Variants in MARCHF1 observed in about 807,000 individuals in gnomAD.
MARCHF1 encodes the protein membrane associated ring-CH-type finger 1, also known as E3 ubiquitin-protein ligase MARCHF1.
In MARCHF1, 40 loss-of-function variants were observed where a neutral mutation model predicts 54.2. The observed-to-expected ratio is 0.74, with a 90% CI of 0.57 to 0.96. The LOEUF (loss-of-function observed/expected upper bound fraction) is 0.96. MARCHF1 is among the 40% of genes least tolerant of loss of function. The probability of loss-of-function intolerance (pLI) is 0.00; values close to 1 mark genes in which losing one functional copy is unlikely to be tolerated. For synonymous variants in MARCHF1, 236 were observed against 236.3 expected (o/e 1.00, Z 0.01); for missense variants, 586 against 656.5 (o/e 0.89, Z 1.17).
chr4:164,065,028 G>T (rs577520357), intron 2 of MARCHF1, among the ~76,000 whole-genome samples: 1 of 152,118 alleles, frequency 6.6e-6, no homozygotes, highest in South Asian at 2.1e-4. Context: ...TGAGCTTTTT[G>T]ATGTGTTGCT....
At chr4:163,555,975 T>C in intron 8 of MARCHF1, 1 of 456,232 alleles carries the variant, frequency 2.2e-6, no homozygotes, top group Non-Finnish European at 4.4e-6. Context: ...GCACAGACAC[T>C]GGGAAGATTA....
chr4:163,700,678 A>G lies in MARCHF1; in HGVS notation c.162+135T>C, dbSNP rs1332626819. The stretch of plus-strand genomic sequence containing the variant: ...GTCTTCTTATTACAGTAAAAGCTTA[A>G]AAGAGTTAAAACCATGAACAAATCA... On this transcript the variant is annotated intron_variant, in intron 5 of 9. Transcript: ENST00000514618. 9 of 655,174 alleles carry G rather than the reference A, an allele frequency of 1.4e-5. No individual in the cohort carries two copies. In the East Asian group the frequency reaches 2.5e-4, roughly 18 times the overall value. The allele number at this position is 655,174 out of a possible 1,614,324, so 40.6% of individuals were successfully genotyped here.
chr4:164,234,961 T>C (rs1279843200), intron 1 of MARCHF1: 1 of 152,106 alleles, frequency 6.6e-6, no homozygotes, highest in Non-Finnish European at 1.5e-5. Flanking sequence ...ATAAGTTTTA[T>C]CACAGCTTCA....
At chr4:163,857,269 T>C (rs1579344394) in intron 3 of MARCHF1, among the ~76,000 whole-genome samples, 1 of 152,100 alleles carries the variant, frequency 6.6e-6, no homozygotes, top group East Asian at 1.9e-4. Flanking sequence ...GATGCTACAA[T>C]ATAGATTCTA....
intron 1 of MARCHF1, among the ~76,000 whole-genome samples, chr4:164,198,086 C>A (rs1241277762): frequency 6.6e-6 from 1 of 152,146 alleles, no homozygotes; most frequent in African/African-American, 2.4e-5. Flanking sequence ...ATCTTTGAAT[C>A]TATAGACTAG....
At chr4:163,801,857 T>C (rs1367061259) in intron 4 of MARCHF1, among the ~76,000 whole-genome samples, 1 of 152,152 alleles carries the variant, frequency 6.6e-6, no homozygotes, top group Non-Finnish European at 1.5e-5. Flanking sequence ...TAAGTTCTTT[T>C]TCAAATTTCT....
chr4:164,087,064 C>T (rs1025666490), intron 2 of MARCHF1, among the ~76,000 whole-genome samples: 3 of 152,070 alleles, frequency 2.0e-5, no homozygotes, highest in African/African-American at 7.2e-5. Context: ...TCCTAGGGAA[C>T]AGACCAGTGC....
At chr4:163,683,859 T>C (rs1380999680) in intron 5 of MARCHF1, among the ~76,000 whole-genome samples, 1 of 152,012 alleles carries the variant, frequency 6.6e-6, no homozygotes, top group Non-Finnish European at 1.5e-5. Context: ...CTAAAAAGGA[T>C]TGAAGGCTCA....
intron 1 of MARCHF1, among the ~76,000 whole-genome samples, chr4:164,226,640 CATAA>C (rs1238236738): frequency 1.3e-5 from 2 of 151,750 alleles, no homozygotes; most frequent in African/African-American, 4.8e-5. Context: ...TATGTTTATG[CATAA>C]ATATTTGTGT....
chr4:163,854,670 T>C (rs78223389), intron 3 of MARCHF1, among the ~76,000 whole-genome samples: 2,128 of 152,298 alleles, frequency 0.014, 44 homozygotes, highest in East Asian at 0.075. Flanking sequence ...TATAAAGTTC[T>C]GCCATCTGAA....
chr4:164,150,077 C>T (rs934192793), intron 1 of MARCHF1, among the ~76,000 whole-genome samples: 1 of 152,060 alleles, frequency 6.6e-6, no homozygotes, highest in African/African-American at 2.4e-5. Context: ...CCAAAAACAG[C>T]ATAAAATAAG....
At position 164,216,044 on chromosome 4, in the gene MARCHF1, C is replaced by T. The variant is rs551252714; in HGVS notation, c.-322-104382G>A. 2.0e-5 allele frequency among the ~76,000 whole-genome samples: 3 copies of T among 152,250 alleles called. No individual in the cohort carries two copies. The South Asian group carries it at 6.2e-4, about 32-fold the overall frequency. On this transcript the variant is annotated intron_variant, in intron 1 of 9. Coordinates refer to ENST00000514618, the MANE Select transcript of MARCHF1 (RefSeq NM_001394959.1). ...ATATAATTCTTGAGGCCACCTGGCC[C>T]TCAGTTTTGCTTAGAGTCAGAGACA...
intron 1 of MARCHF1, among the ~76,000 whole-genome samples, chr4:164,359,938 A>G (rs76893538): frequency 0.086 from 13,053 of 152,236 alleles, 1,139 homozygotes; most frequent in East Asian, 0.29. Flanking sequence ...TGAGAACCAC[A>G]GATAGAGACT....
chr4:163,639,221 G>T (rs1017588554), intron 5 of MARCHF1, among the ~76,000 whole-genome samples: 3 of 152,174 alleles, frequency 2.0e-5, no homozygotes, highest in African/African-American at 4.8e-5. Flanking sequence ...GAGCAGGAAA[G>T]ATGAGATTTA....
intron 1 of MARCHF1, among the ~76,000 whole-genome samples, chr4:164,260,543 A>G (rs1296697688): frequency 6.6e-6 from 1 of 152,052 alleles, no homozygotes; most frequent in Non-Finnish European, 1.5e-5. Context: ...GGGGCCTCAC[A>G]TTAGATGTTT....
At chr4:163,593,753 A>T in intron 7 of MARCHF1, among the ~76,000 whole-genome samples, 1 of 152,204 alleles carries the variant, frequency 6.6e-6, no homozygotes, top group East Asian at 1.9e-4. Flanking sequence ...AATGCATTGA[A>T]TTAGAAATAC....
At chr4:164,085,755 T>C (rs1340942727) in intron 2 of MARCHF1, among the ~76,000 whole-genome samples, 1 of 151,912 alleles carries the variant, frequency 6.6e-6, no homozygotes, top group Non-Finnish European at 1.5e-5. Flanking sequence ...TAATGGTTTT[T>C]CACAATATGT....
intron 2 of MARCHF1, among the ~76,000 whole-genome samples, chr4:164,056,009 T>C (rs956272566): frequency 6.6e-6 from 1 of 152,182 alleles, no homozygotes; most frequent in Non-Finnish European, 1.5e-5. Flanking sequence ...TGTTTCTAAG[T>C]GTCTATAAAT....
At chr4:164,159,949 T>G (rs572905772) in intron 1 of MARCHF1, among the ~76,000 whole-genome samples, 13 of 152,272 alleles carry the variant, frequency 8.5e-5, no homozygotes, top group African/African-American at 3.1e-4. Context: ...ACCTATAAAA[T>G]GTCTTTAGAA....
Sources: allele counts gnomAD v4.1 joint callset (sites outside exome capture counted in the v4.1 genomes callset), GRCh38; gene constraint gnomAD v4.1.1; transcripts MANE v1.5; gene names NCBI Gene and HGNC (gene_info 2026-07-23, HGNC 2026-07-21).